ACSM5: variants seen among roughly 807,000 people sequenced by gnomAD.
ACSM5 encodes acyl-CoA synthetase medium chain family member 5.
In ACSM5, 56 loss-of-function variants were observed where a neutral mutation model predicts 71.6. The observed-to-expected ratio is 0.78, with a 90% CI of 0.63 to 0.98. ACSM5 has a LOEUF of 0.98. ACSM5 is among the 50% of genes least tolerant of loss of function. The probability of loss-of-function intolerance (pLI) is 0.00; values close to 1 mark genes in which losing one functional copy is unlikely to be tolerated. For missense variants in ACSM5, 723 were observed against 726.0 expected (o/e 1.00, Z 0.05); for synonymous variants, 285 against 281.5 (o/e 1.01, Z -0.12).
Position 20,420,408 on chromosome 16 carries a change from C to T in ACSM5, c.624-850C>T, listed in dbSNP as rs368450988. On this transcript the variant is annotated intron_variant, in intron 4 of 13. Transcript: ENST00000331849. Reference sequence around the variant, plus strand: ...CCGAGGTCGGGAGTTTGAGACCAGCCTGACCAGCATGGAGAAACCCCGTCT... The same window carrying T: ...CCGAGGTCGGGAGTTTGAGACCAGCTTGACCAGCATGGAGAAACCCCGTCT... Among the ~76,000 whole-genome samples, 16 of 152,290 alleles carry T rather than the reference C, an allele frequency of 1.1e-4. No individual in the cohort carries two copies. In the East Asian group the frequency reaches 3.1e-3, roughly 29 times the overall value.
In ACSM5 at chr16:20,441,200, A is replaced by G. The variant is rs1277803512; in HGVS notation, c.*773A>G. 1 of 152,178 alleles carries G rather than the reference A, an allele frequency of 6.6e-6. No homozygotes were observed. Among genetic ancestry groups the G allele is most frequent in the Non-Finnish European group, 1.5e-5 (1 of 68,032 alleles). The allele number at this position is 152,178 out of a possible 1,614,324, so 9.4% of individuals were successfully genotyped here. On this transcript the variant is annotated 3_prime_UTR_variant, in exon 14 of 14. Coordinates refer to ENST00000331849, the MANE Select transcript of ACSM5 (RefSeq NM_017888.3). ...CTGTGGTTAATTGTAATCCTCCTGG[A>G]GATTGAGGAGGGAGGGAGAGAAAAT...
chr16:20,420,537 T>C (rs1596614589), intron 4 of ACSM5, among the ~76,000 whole-genome samples: 1 of 152,106 alleles, frequency 6.6e-6, no homozygotes, highest in Non-Finnish European at 1.5e-5. Context: ...GAGGCAGAGG[T>C]TGCAGTGAGC....
intron 8 of ACSM5, 87 bp downstream of exon 8, chr16:20,429,888 C>T (rs1967061237): frequency 2.6e-6 from 4 of 1,520,618 alleles, no homozygotes; most frequent in Non-Finnish European, 3.5e-6. Flanking sequence ...TGAAGCTTCT[C>T]AGGGACCACC....
At chr16:20,435,094 G>A (rs529672610) in intron 10 of ACSM5, among the ~76,000 whole-genome samples, 1 of 152,290 alleles carries the variant, frequency 6.6e-6, no homozygotes, top group South Asian at 2.1e-4. Flanking sequence ...GTGCAGTGGT[G>A]TGATCTTGGC....
intron 10 of ACSM5, among the ~76,000 whole-genome samples, chr16:20,436,752 G>A (rs1967207816): frequency 6.6e-6 from 1 of 152,110 alleles, no homozygotes; most frequent in African/African-American, 2.4e-5. Context: ...CACAGCCAGT[G>A]GCCCTGTGCC....
chr16:20,420,429 C>G (rs891900687), intron 4 of ACSM5, among the ~76,000 whole-genome samples: 2 of 152,146 alleles, frequency 1.3e-5, no homozygotes, highest in African/African-American at 4.8e-5. Context: ...GGAGAAACCC[C>G]GTCTCTACTA....
intron 12 of ACSM5, among the ~76,000 whole-genome samples, chr16:20,439,349 A>C (rs200434649): frequency 1.0e-4 from 13 of 124,340 alleles, no homozygotes; most frequent in Middle Eastern, 3.9e-3. Context: ...ATGTTCATCC[A>C]CGCAGACCCC....
At chr16:20,417,963 T>C in intron 2 of ACSM5, 96 bp from the exon 3 acceptor site, 1 of 1,236,850 alleles carries the variant, frequency 8.1e-7, no homozygotes, top group African/African-American at 1.5e-5. Flanking sequence ...ACCCTGTGAA[T>C]TTTATATTAA....
intron 6 of ACSM5, among the ~76,000 whole-genome samples, chr16:20,427,011 G>T (rs60240394): frequency 1.3e-5 from 2 of 150,176 alleles, no homozygotes; most frequent in Non-Finnish European, 3.0e-5. Flanking sequence ...TTGCTTAAAA[G>T]TTCACTGGTG....
chr16:20,424,168 A>G (rs1303157844), intron 6 of ACSM5, 99 bp downstream of exon 6: 15 of 1,447,966 alleles, frequency 1.0e-5, no homozygotes, highest in Non-Finnish European at 9.2e-6. Context: ...TAAATCAGTG[A>G]ATTTAAGGCT....
At position 20,437,113 on chromosome 16, in the gene ACSM5, C is replaced by A. The variant is rs1567348585; in HGVS notation, c.1370C>A (p.Ala457Asp). 2 of 1,614,194 alleles carry A rather than the reference C, an allele frequency of 1.2e-6. No individual in the cohort carries two copies. The highest frequency in any genetic ancestry group is 1.7e-6 in the Non-Finnish European group (2 of 1,180,022). The part of the protein sequence containing the change: ...QGDFYITGDR[A>D]RMDKDGYFWF... ...GACTTTTACATCACAGGGGACCGAG[C>A]TCGCATGGACAAGGATGGCTACTTT... Residue 457 changes from alanine (A) to aspartate (D), a missense_variant, in exon 11 of 14, where the codon GCT becomes GAT. By Grantham distance (126) the Ala-to-Asp change is moderately radical. Coordinates refer to ENST00000331849, the MANE Select transcript of ACSM5 (RefSeq NM_017888.3).
chr16:20,411,003 C>G (rs1315930436), intron 1 of ACSM5, among the ~76,000 whole-genome samples: 2 of 152,188 alleles, frequency 1.3e-5, no homozygotes, highest in African/African-American at 4.8e-5. Context: ...TACTTTGGCT[C>G]TATCTGGTTA....
chr16:20,431,876 G>C (rs1967106251), intron 10 of ACSM5, among the ~76,000 whole-genome samples: 1 of 151,854 alleles, frequency 6.6e-6, no homozygotes, highest in Non-Finnish European at 1.5e-5. Context: ...GCTTGAACCA[G>C]GGAGGTTGCC....
chr16:20,430,178 C>T (rs1329891697), intron 8 of ACSM5, among the ~76,000 whole-genome samples: 3 of 150,572 alleles, frequency 2.0e-5, no homozygotes, highest in Non-Finnish European at 4.4e-5. Context: ...AAAAAACGCT[C>T]GAACCCAAAA....
chr16:20,417,236 A>G (rs1374096465), intron 2 of ACSM5, among the ~76,000 whole-genome samples: 5 of 152,240 alleles, frequency 3.3e-5, no homozygotes, highest in Non-Finnish European at 5.9e-5. Flanking sequence ...ATGTGCTCAC[A>G]GAAAAACTTG....
chr16:20,431,580 G>A (rs958378025), intron 10 of ACSM5, among the ~76,000 whole-genome samples: 4 of 152,116 alleles, frequency 2.6e-5, no homozygotes, highest in South Asian at 2.1e-4. Flanking sequence ...GTCTGAAAGC[G>A]TAAACATGAC....
At chr16:20,430,751 G>C (rs978058430) in intron 8 of ACSM5, among the ~76,000 whole-genome samples, 45 of 149,862 alleles carry the variant, frequency 3.0e-4, no homozygotes, top group African/African-American at 9.9e-4. Context: ...AAGAAAACAG[G>C]AAAGGGGAAA....
intron 7 of ACSM5, 131 bp downstream of exon 7, chr16:20,427,998 C>T (rs1226009290): frequency 5.4e-6 from 4 of 747,556 alleles, no homozygotes; most frequent in East Asian, 2.5e-5. Context: ...TATTTTTCTG[C>T]CTCTCTCTTT....
At chr16:20,416,472 G>T (rs949480440) in intron 2 of ACSM5, among the ~76,000 whole-genome samples, 6 of 152,084 alleles carry the variant, frequency 3.9e-5, no homozygotes, top group Admixed American at 6.5e-5. Flanking sequence ...ACAATTAAAT[G>T]GGTGAAATAA....
Sources: allele counts gnomAD v4.1 joint callset (sites outside exome capture counted in the v4.1 genomes callset), GRCh38; gene constraint gnomAD v4.1.1; transcripts MANE v1.5; gene names NCBI Gene and HGNC (gene_info 2026-07-23, HGNC 2026-07-21).